The following SND1 variants were observed in gnomAD, a reference collection of about 807,000 sequenced individuals.
SND1 encodes staphylococcal nuclease and tudor domain containing 1.
A neutral mutation model predicts 121.7 loss-of-function variants in SND1; 38 were observed. That is an observed-to-expected ratio of 0.31 (90% CI 0.24 to 0.41). The LOEUF (loss-of-function observed/expected upper bound fraction) is 0.41. Ranked by LOEUF, SND1 falls within the 10% of genes least tolerant of loss-of-function variation. The pLI, the probability that SND1 is intolerant of heterozygous loss-of-function variation, is 1.00. For missense variants in SND1, 868 were observed against 1,184.6 expected, an observed-to-expected ratio of 0.73 and a Z score of 3.92; for synonymous variants, 401 against 447.4, an observed-to-expected ratio of 0.90 and a Z score of 1.31.
rs539129534 is a variant in SND1, at chr7:127,713,741, G to A, written c.1038+6094G>A. ...ATTAAGCCTGAGAAATGTGAAACTT[G>A]ACAAAGTATTCTCTGATACATGTGG... On this transcript the variant is annotated intron_variant, in intron 9 of 23. Transcript: ENST00000354725. 3.9e-5 allele frequency among the ~76,000 whole-genome samples: 6 copies of A among 152,326 alleles called. No individual in the cohort carries two copies. The South Asian group carries it at 1.2e-3, about 32-fold the overall frequency.
chr7:127,867,520 C>T (rs892259056), intron 12 of SND1, among the ~76,000 whole-genome samples: 2 of 152,132 alleles, frequency 1.3e-5, no homozygotes, highest in African/African-American at 2.4e-5. Flanking sequence ...CTCAAATGAT[C>T]GCGTCTTTTG....
At chr7:127,939,149 G>A (rs899678254) in intron 15 of SND1, among the ~76,000 whole-genome samples, 5 of 152,166 alleles carry the variant, frequency 3.3e-5, no homozygotes, top group East Asian at 3.9e-4. Flanking sequence ...AATACAGAAC[G>A]CAGAGAGGAG....
intron 10 of SND1, among the ~76,000 whole-genome samples, chr7:127,722,491 CT>C (rs925821839): frequency 3.3e-5 from 5 of 151,302 alleles, no homozygotes; most frequent in African/African-American, 7.3e-5. Context: ...ACTTATCTAC[CT>C]TTTTTTTATT....
intron 14 of SND1, among the ~76,000 whole-genome samples, chr7:127,906,724 G>A (rs954214041): frequency 4.6e-5 from 7 of 152,100 alleles, no homozygotes; most frequent in African/African-American, 1.7e-4. Flanking sequence ...ACTCTAAGGA[G>A]GTTTTGAGGT....
intron 16 of SND1, among the ~76,000 whole-genome samples, chr7:128,041,368 T>C (rs6972847): frequency 0.63 from 95,244 of 151,548 alleles, 30,503 homozygotes; most frequent in African/African-American, 0.71. Context: ...CCACTGGCTA[T>C]CCCATGAGTC....
At chr7:127,808,682 A>G (rs1798283260) in intron 11 of SND1, among the ~76,000 whole-genome samples, 1 of 152,252 alleles carries the variant, frequency 6.6e-6, no homozygotes, top group Non-Finnish European at 1.5e-5. Context: ...AGGTTTCTTC[A>G]GAGAATAGGT....
intron 18 of SND1, chr7:128,081,786 G>C (rs1487827304): frequency 9.8e-6 from 6 of 612,470 alleles, no homozygotes; most frequent in Non-Finnish European, 6.5e-6. Context: ...GGTTTATCTG[G>C]GTGGAGCTCT....
intron 12 of SND1, among the ~76,000 whole-genome samples, chr7:127,883,427 CCAGTT>C: frequency 6.6e-6 from 1 of 152,230 alleles, no homozygotes; most frequent in Non-Finnish European, 1.5e-5. Flanking sequence ...CTAAAACTGT[CCAGTT>C]TACTTCACAA....
At chr7:127,771,637 C>G (rs1440700660) in intron 10 of SND1, among the ~76,000 whole-genome samples, 1 of 151,918 alleles carries the variant, frequency 6.6e-6, no homozygotes, top group Non-Finnish European at 1.5e-5. Context: ...AAAAAGCACC[C>G]CCCTATACAC....
chr7:127,785,864 G>A (rs1797803419), intron 10 of SND1, among the ~76,000 whole-genome samples: 1 of 152,180 alleles, frequency 6.6e-6, no homozygotes, highest in Non-Finnish European at 1.5e-5. Context: ...TACTGAGATT[G>A]CAGAAGATCT....
At chr7:128,021,971 A>T (rs1408483451) in intron 16 of SND1, among the ~76,000 whole-genome samples, 1 of 152,162 alleles carries the variant, frequency 6.6e-6, no homozygotes, top group Non-Finnish European at 1.5e-5. Flanking sequence ...TGTGAGCCCA[A>T]GGTGGGCGGA....
intron 13 of SND1, among the ~76,000 whole-genome samples, chr7:127,903,535 G>T (rs900547373): frequency 6.6e-6 from 1 of 152,146 alleles, no homozygotes; most frequent in African/African-American, 2.4e-5. Flanking sequence ...TGAACCAGAA[G>T]CATTTCAGAT....
intron 10 of SND1, among the ~76,000 whole-genome samples, chr7:127,791,141 CTTT>C (rs66878881): frequency 1.6e-4 from 18 of 110,846 alleles, no homozygotes; most frequent in Admixed American, 3.2e-4. Context: ...TTTACCTCTC[CTTT>C]TTTTTTTTTT....
chr7:127,978,817 G>C (rs1802190020), intron 15 of SND1, among the ~76,000 whole-genome samples: 1 of 152,140 alleles, frequency 6.6e-6, no homozygotes, highest in Non-Finnish European at 1.5e-5. Flanking sequence ...CTGCCGAGTA[G>C]CTGGGATTAC....
At chr7:127,833,529 T>TA (rs913491404) in intron 11 of SND1, among the ~76,000 whole-genome samples, 6 of 152,086 alleles carry the variant, frequency 3.9e-5, no homozygotes, top group Non-Finnish European at 8.8e-5. Flanking sequence ...CCTGCCAAAA[T>TA]ACTGGGATTA....
At chr7:127,675,083 C>T (rs1448577779) in intron 1 of SND1, among the ~76,000 whole-genome samples, 1 of 152,168 alleles carries the variant, frequency 6.6e-6, no homozygotes, top group Non-Finnish European at 1.5e-5. Flanking sequence ...CGCCTGTGGT[C>T]CTAGCCACTT....
chr7:127,946,010 C>T (rs752243807), intron 15 of SND1, among the ~76,000 whole-genome samples: 10 of 152,226 alleles, frequency 6.6e-5, no homozygotes, highest in Non-Finnish European at 1.5e-4. Context: ...CCAATCTTCC[C>T]TCCATTCACT....
chr7:127,727,130 C>G (rs1796595836), intron 10 of SND1, among the ~76,000 whole-genome samples: 1 of 152,208 alleles, frequency 6.6e-6, no homozygotes, highest in Non-Finnish European at 1.5e-5. Flanking sequence ...TCCAAATATT[C>G]AGACCCGGGT....
intron 12 of SND1, among the ~76,000 whole-genome samples, chr7:127,879,324 G>T (rs1799748500): frequency 6.6e-6 from 1 of 152,236 alleles, no homozygotes; most frequent in Admixed American, 6.5e-5. Context: ...TTGTAGGGAA[G>T]ATCTGAAGAG....
Sources: allele counts gnomAD v4.1 joint callset (sites outside exome capture counted in the v4.1 genomes callset), GRCh38; gene constraint gnomAD v4.1.1; transcripts MANE v1.5; gene names NCBI Gene and HGNC (gene_info 2026-07-23, HGNC 2026-07-21).